The following EBF3 variants were observed in gnomAD, a reference collection of about 807,000 sequenced individuals.
The protein encoded by EBF3 is transcription factor COE3.
A neutral mutation model predicts 77.1 loss-of-function variants in EBF3; 18 were observed. The ratio of observed to expected loss-of-function variants is 0.23; its 90% confidence interval spans 0.16 to 0.35. The LOEUF is 0.35. EBF3 is among the 10% of genes least tolerant of loss of function. The pLI is 1.00. For missense variants in EBF3, 558 were observed against 860.0 expected (o/e 0.65, Z 4.39); for synonymous variants, 350 against 343.5 (o/e 1.02, Z -0.21).
In EBF3 at chr10:129,835,806, T is replaced by G. The variant is rs1849578847; in HGVS notation, c.*2137A>C. The G allele has an allele frequency of 6.6e-6, 1 of 152,454 alleles. No individual in the cohort carries two copies. The highest frequency in any genetic ancestry group is 2.1e-4 in the South Asian group (1 of 4,820). 9.4% of individuals were successfully genotyped at this position (152,454 alleles called of 1,614,324 possible). On this transcript the variant is annotated 3_prime_UTR_variant, in exon 17 of 17. Transcript: ENST00000440978. ...ATTTCTGCTGCAGTTTGCAAAATGT[T>G]TGCTGTGCCGTGTCTGCAAAGCACT...
At position 129,844,400 on chromosome 10, in the gene EBF3, T is replaced by C. The variant is rs79938214; in HGVS notation, c.1129-1198A>G. Among the ~76,000 whole-genome samples, 635 of 152,330 alleles carry C rather than the reference T, an allele frequency of 4.2e-3. 7 individuals are homozygous for C. The highest frequency in any genetic ancestry group is 0.014 in the African/African-American group (589 of 41,590). On this transcript the variant is annotated intron_variant, in intron 11 of 16. Coordinates refer to ENST00000440978, the MANE Select transcript of EBF3 (RefSeq NM_001375380.1). Reference sequence around the variant, plus strand: ...GGTGCCTCACAGACACACCAGCTTATGATTTCTGCAGATTCACATAAGCAG... The same window carrying C: ...GGTGCCTCACAGACACACCAGCTTACGATTTCTGCAGATTCACATAAGCAG...
At position 129,870,785 on chromosome 10, in the gene EBF3, G is replaced by C. The variant is rs1356167235; in HGVS notation, c.781+2667C>G. ...CCCGTGTTGGAGACCCATATCTTTG[G>C]GTTTTTTTCCTTTCTTTTGGGGTCT... On this transcript the variant is annotated intron_variant, in intron 8 of 16. Transcript: ENST00000440978. The surrounding 1 kb of genome is among the most constrained non-coding windows in gnomAD (Gnocchi z 4.4). Among the ~76,000 whole-genome samples, 1 of 151,982 alleles carries C rather than the reference G, an allele frequency of 6.6e-6. No individual in the cohort carries two copies. Among genetic ancestry groups the C allele is most frequent in the African/African-American group, 2.4e-5 (1 of 41,354 alleles).
intron 10 of EBF3, among the ~76,000 whole-genome samples, chr10:129,853,795 A>C (rs1851058798): frequency 6.6e-6 from 1 of 152,252 alleles, no homozygotes; most frequent in Non-Finnish European, 1.5e-5. Flanking sequence ...CTATTTGCTG[A>C]CAAGTAGTTT....
chr10:129,922,654 C>T (rs916223825), intron 6 of EBF3, among the ~76,000 whole-genome samples: 2 of 152,244 alleles, frequency 1.3e-5, no homozygotes, highest in African/African-American at 2.4e-5. Context: ...GTACCTACAG[C>T]GATGCCCTGC....
chr10:129,868,744 C>CGGGGCTG (rs746544307), intron 8 of EBF3, among the ~76,000 whole-genome samples: 1 of 152,222 alleles, frequency 6.6e-6, no homozygotes, highest in African/African-American at 2.4e-5. Context: ...AGGCCAGGGC[C>CGGGGCTG]GGGGCTGAGG....
rs1165996482 is a variant in EBF3 at position 129,842,770 on chromosome 10, A to G, written c.1194+367T>C. Among the ~76,000 whole-genome samples, 1 of 150,820 alleles carries G rather than the reference A, an allele frequency of 6.6e-6. No homozygotes were observed. Among genetic ancestry groups the G allele is most frequent in the East Asian group, 2.0e-4 (1 of 5,124 alleles). ...CAGAGCAAGACCCTGTCTAAAAAAA[A>G]AAAAAAAAAAAGGGAGCAACATTTG... On this transcript the variant is annotated intron_variant, in intron 12 of 16. Coordinates refer to ENST00000440978, the MANE Select transcript of EBF3 (RefSeq NM_001375380.1). The surrounding 1 kb of genome is among the most constrained non-coding windows in gnomAD (Gnocchi z 4.4).
intron 11 of EBF3, among the ~76,000 whole-genome samples, chr10:129,847,920 C>G (rs1850588928): frequency 6.6e-6 from 1 of 152,068 alleles, no homozygotes; most frequent in African/African-American, 2.4e-5. Flanking sequence ...GGACTTATAA[C>G]AAAAGCTTTG....
At chr10:129,942,825 T>C (rs1159910621) in intron 6 of EBF3, among the ~76,000 whole-genome samples, 1 of 152,116 alleles carries the variant, frequency 6.6e-6, no homozygotes, top group Non-Finnish European at 1.5e-5. Context: ...CAGGACAGAC[T>C]CTCCTCCCAT....
Position 129,947,042 on chromosome 10 carries a change from T to A in EBF3, c.554+10216A>T, listed in dbSNP as rs1858279352. ...GGATCGGGCCGATGACCTCGGACAG[T>A]GGGGACCAGCAGCACGTCCAATCCA... On this transcript the variant is annotated intron_variant, in intron 6 of 16. Transcript: ENST00000440978. The surrounding 1 kb of genome is among the most constrained non-coding windows in gnomAD (Gnocchi z 4.5). 6.6e-6 allele frequency among the ~76,000 whole-genome samples: 1 copy of A among 152,152 alleles called. No individual in the cohort carries two copies. The highest frequency in any genetic ancestry group is 2.1e-4 in the South Asian group (1 of 4,812).
At chr10:129,872,824 C>T (rs1852494022) in intron 8 of EBF3, among the ~76,000 whole-genome samples, 2 of 152,230 alleles carry the variant, frequency 1.3e-5, no homozygotes, top group South Asian at 2.1e-4. Flanking sequence ...CTGAGTCTTT[C>T]TGCATTCCGA....
At chr10:129,893,702 G>A (rs1348902995) in intron 6 of EBF3, among the ~76,000 whole-genome samples, 1 of 152,092 alleles carries the variant, frequency 6.6e-6, no homozygotes, top group Non-Finnish European at 1.5e-5. Context: ...AAATCACAGC[G>A]CACGCATGAA....
At chr10:129,891,701 G>T (rs900350289) in intron 6 of EBF3, among the ~76,000 whole-genome samples, 2 of 152,102 alleles carry the variant, frequency 1.3e-5, no homozygotes, top group African/African-American at 4.8e-5. Context: ...GTGGCCCGGT[G>T]GTCTGCCACC....
At chr10:129,960,628 CTTTTT>C (rs34551386) in intron 4 of EBF3, among the ~76,000 whole-genome samples, 17 of 115,194 alleles carry the variant, frequency 1.5e-4, no homozygotes, top group Admixed American at 1.8e-4. Context: ...TATTTCTTTC[CTTTTT>C]TTTTTTTTTT....
chr10:129,845,414 T>C (rs1288183012), intron 11 of EBF3: 2 of 152,254 alleles, frequency 1.3e-5, no homozygotes. Flanking sequence ...ATTTCTGCCG[T>C]TGTTTCATGA....
intron 11 of EBF3, among the ~76,000 whole-genome samples, chr10:129,844,823 TA>T (rs1386476136): frequency 6.6e-6 from 1 of 152,200 alleles, no homozygotes; most frequent in Admixed American, 6.5e-5. Context: ...CCAGCTGTCT[TA>T]ATCAGGTTTC....
intron 6 of EBF3, among the ~76,000 whole-genome samples, chr10:129,949,405 T>G (rs1404084853): frequency 1.3e-5 from 2 of 152,186 alleles, no homozygotes; most frequent in East Asian, 3.9e-4. Context: ...CAGGCTCCAG[T>G]GCCAAGAAGA....
Position 129,963,709 on chromosome 10 carries a change from C to T in EBF3, c.60G>A (p.Leu20=). 3 of 1,537,242 alleles carry T rather than the reference C, an allele frequency of 2.0e-6. No individual in the cohort carries two copies. Among genetic ancestry groups the T allele is most frequent in the Non-Finnish European group, 8.8e-7 (1 of 1,136,316 alleles). Residue 20 remains leucine, a synonymous_variant, in exon 1 of 17, where the codon CTG becomes CTA. Transcript: ENST00000440978. The surrounding 1 kb of genome is among the most constrained non-coding windows in gnomAD (Gnocchi z 7.1). ...AGCGCACCGGGTTCATGCCGCTGCC[C>T]AGCGGCTCCTCCTTCATGGTCGTCC... ...RGGTTMKEEP[L]GSGMNPVRSW... is the part of the protein sequence containing the mutation.
At position 129,835,649 on chromosome 10, in the gene EBF3, CTG is replaced by C. The variant is rs1438405413; in HGVS notation, c.*2292_*2293del. The C allele has an allele frequency of 2.0e-5, 3 of 152,392 alleles. No homozygotes were observed. Among genetic ancestry groups the C allele is most frequent in the Non-Finnish European group, 4.4e-5 (3 of 68,048 alleles). The allele number at this position is 152,392 out of a possible 1,614,324, so 9.4% of individuals were successfully genotyped here. ...CCTTGTCAACCATCACAAAGCCAGA[CTG>C]TGACCTGCTGACTCCTGGGGACATT... On this transcript the variant is annotated 3_prime_UTR_variant, in exon 17 of 17. Coordinates refer to ENST00000440978, the MANE Select transcript of EBF3 (RefSeq NM_001375380.1).
intron 6 of EBF3, among the ~76,000 whole-genome samples, chr10:129,928,233 G>T (rs1856798443): frequency 6.6e-6 from 1 of 152,128 alleles, no homozygotes. Flanking sequence ...AAAAATAACT[G>T]ATGCCCATTG....
Sources: gnomAD v4.1 joint callset for allele counts (sites outside exome capture counted in the v4.1 genomes callset) on GRCh38, gnomAD v4.1.1 for gene constraint, Gnocchi (gnomAD v3.1) non-coding constraint, MANE v1.5 for transcripts, NCBI Gene and HGNC (gene_info 2026-07-23, HGNC 2026-07-21) for gene names.